The following ZNF398 variants were observed in gnomAD, a reference collection of about 807,000 sequenced individuals.
The protein encoded by ZNF398 is zinc finger DNA binding protein ZER6.
Under a neutral mutation model 41.9 loss-of-function variants are expected in ZNF398, and 18 were observed. The observed-to-expected ratio is 0.43, with a 90% confidence interval of 0.30 to 0.64. The LOEUF (loss-of-function observed/expected upper bound fraction) is 0.64, where lower values mean the gene tolerates loss of function less well. ZNF398 is among the 30% of genes least tolerant of loss of function. The pLI, the probability that ZNF398 is intolerant of heterozygous loss-of-function variation, is 0.14. For synonymous variants in ZNF398, 260 were observed against 308.8 expected (o/e 0.84, Z 1.66); for missense variants, 669 against 822.8 (o/e 0.81, Z 2.29).
chr7:149,168,564 T>TTTATTA (rs142740926), intron 4 of ZNF398, among the ~76,000 whole-genome samples: 1 of 151,344 alleles, frequency 6.6e-6, no homozygotes, highest in Non-Finnish European at 1.5e-5. Flanking sequence ...CTGCCTCACA[T>TTTATTA]TTATTATTAT....
At chr7:149,165,715 G>A (rs1051662659) in intron 2 of ZNF398, among the ~76,000 whole-genome samples, 3 of 152,128 alleles carry the variant, frequency 2.0e-5, no homozygotes, top group African/African-American at 7.2e-5. Context: ...CAGCATCAAA[G>A]GGAACTCTGT....
At chr7:149,133,670 T>TACACACAC (rs1426928527) in intron 2 of ZNF398, among the ~76,000 whole-genome samples, 1 of 50,674 alleles carries the variant, frequency 2.0e-5, no homozygotes, top group African/African-American at 7.0e-5. Context: ...TATATATATA[T>TACACACAC]ATATATATAC....
Position 149,148,863 on chromosome 7 carries a change from CTTTTTTT to C in ZNF398, c.24+1119_24+1125del, listed in dbSNP as rs59895177. ...TTTATGCACGGACCTTTTTCTTTGT[CTTTTTTT>C]TTTTTTTTTTTTTTTTTTTTTAGCT... On this transcript the variant is annotated intron_variant, in intron 1 of 5. Transcript: ENST00000475153. Among the ~76,000 whole-genome samples, 66 of 63,284 alleles carry C rather than the reference CTTTTTTT, an allele frequency of 1.0e-3. 1 individual carries two copies. Among genetic ancestry groups the C allele is most frequent in the African/African-American group, 3.2e-3 (46 of 14,464 alleles). 41.5% of individuals were successfully genotyped at this position (63,284 alleles called of 152,430 possible). A position where few individuals can be genotyped will look rare whatever the true frequency, so the allele number is the denominator to read the frequency against.
At chr7:149,134,718 T>C (rs770590629) in intron 2 of ZNF398, among the ~76,000 whole-genome samples, 1 of 152,184 alleles carries the variant, frequency 6.6e-6, no homozygotes, top group African/African-American at 2.4e-5. Flanking sequence ...AGGCTGTTTT[T>C]TTTCCTTCAG....
intron 2 of ZNF398, among the ~76,000 whole-genome samples, chr7:149,135,282 T>C (rs1585502609): frequency 6.7e-6 from 1 of 148,300 alleles, no homozygotes; most frequent in East Asian, 2.0e-4. Flanking sequence ...CCCAGCTACT[T>C]AGTAGGCTGA....
At chr7:149,134,552 A>G (rs541671233) in intron 2 of ZNF398, among the ~76,000 whole-genome samples, 2 of 152,150 alleles carry the variant, frequency 1.3e-5, no homozygotes, top group Non-Finnish European at 2.9e-5. Flanking sequence ...CATCCCATCC[A>G]TTATATTCTT....
chr7:149,140,215 ATATT>A (rs1316651790), intron 2 of ZNF398, among the ~76,000 whole-genome samples: 4 of 152,096 alleles, frequency 2.6e-5, no homozygotes, highest in Non-Finnish European at 5.9e-5. Flanking sequence ...CATTGACAGT[ATATT>A]TAGAGCGTGT....
chr7:149,134,210 AC>A (rs1826665653), intron 2 of ZNF398, among the ~76,000 whole-genome samples: 1 of 150,832 alleles, frequency 6.6e-6, no homozygotes, highest in Non-Finnish European at 1.5e-5. Context: ...GATTACAGGC[AC>A]CCGCCACCAC....
intron 4 of ZNF398, among the ~76,000 whole-genome samples, chr7:149,169,328 A>G (rs191906684): frequency 6.6e-5 from 10 of 152,152 alleles, no homozygotes; most frequent in African/African-American, 2.4e-4. Context: ...CAGGTGACCC[A>G]CCCACCTCGG....
At position 149,180,286 on chromosome 7, in the gene ZNF398, C is replaced by G. The variant is rs1175402682; in HGVS notation, c.*485C>G. 6.5e-6 allele frequency: 1 copy of G among 153,652 alleles called. No individual in the cohort carries two copies. Among genetic ancestry groups the G allele is most frequent in the Admixed American group, 6.5e-5 (1 of 15,494 alleles). 9.5% of individuals were successfully genotyped at this position (153,652 alleles called of 1,614,324 possible). A position where few individuals can be genotyped will look rare whatever the true frequency, so the allele number is the denominator to read the frequency against. ...ATGGTTGTTGGAGAAAGTGCTTAAG[C>G]CACTGTTTATGTTGCTGCCTCCTCT... On this transcript the variant is annotated 3_prime_UTR_variant, in exon 6 of 6. Transcript: ENST00000475153.
upstream of ZNF398, among the ~76,000 whole-genome samples, chr7:149,145,085 C>T (rs959856802): frequency 6.6e-6 from 1 of 152,068 alleles, no homozygotes; most frequent in African/African-American, 2.4e-5. Flanking sequence ...TAGCCACAGG[C>T]GAAAAGTAAC....
At chr7:149,163,709 G>T (rs1206207774) in intron 2 of ZNF398, among the ~76,000 whole-genome samples, 2 of 152,158 alleles carry the variant, frequency 1.3e-5, no homozygotes, top group African/African-American at 4.8e-5. Context: ...TGCTGACCTT[G>T]GGTGATCCAC....
intron 4 of ZNF398, among the ~76,000 whole-genome samples, chr7:149,175,555 T>C (rs994242623): frequency 6.6e-6 from 1 of 152,212 alleles, no homozygotes; most frequent in African/African-American, 2.4e-5. Flanking sequence ...TATCATTTAA[T>C]AGACAAAGAT....
chr7:149,171,205 C>T (rs113124624), intron 4 of ZNF398, among the ~76,000 whole-genome samples: 6,748 of 151,118 alleles, frequency 0.045, 415 homozygotes, highest in African/African-American at 0.14. Context: ...CTTTATAATA[C>T]AGTAATATAC....
Position 149,147,817 on chromosome 7 carries a change from AG to A in ZNF398, c.24+54del. ...GTGAGCCCCCGAGACCCAGACCCCGAGGGAGGAAGGCGGGCGGGCAGGGAGC... is the reference window on the plus strand; with the variant it reads ...GTGAGCCCCCGAGACCCAGACCCCGAGGAGGAAGGCGGGCGGGCAGGGAGC... On this transcript the variant is annotated intron_variant, in intron 1 of 5. Transcript: ENST00000475153. This position sits in a 1 kb window ranked among gnomAD's most constrained non-coding sequence, Gnocchi z 5.6. The A allele has an allele frequency of 7.5e-7, 1 of 1,335,948 alleles. No individual in the cohort carries two copies. The allele number at this position is 1,335,948 out of a possible 1,614,324, so 82.8% of individuals were successfully genotyped here.
In ZNF398 at chr7:149,137,203, C is replaced by T. The variant is rs74911574; in HGVS notation, c.-490+8259C>T. ...TCTTACACCTCTGTAAAAAGTCAGT[C>T]GTCCAAATTTGTGTGGGTTTATTTT... is the stretch of plus-strand genomic sequence containing the variant. On this transcript the variant is annotated intron_variant, in intron 2 of 6. Transcript: ENST00000426851. Among the ~76,000 whole-genome samples, 554 of 152,078 alleles carry T rather than the reference C, an allele frequency of 3.6e-3. 3 individuals carry two copies. Among genetic ancestry groups the T allele is most frequent in the Middle Eastern group, 0.014 (4 of 292 alleles).
At chr7:149,155,740 T>C (rs1794962505) in intron 2 of ZNF398, among the ~76,000 whole-genome samples, 2 of 133,656 alleles carry the variant, frequency 1.5e-5, no homozygotes, top group East Asian at 2.3e-4. Flanking sequence ...AATTTTTTTT[T>C]TTTTGAGATG....
At position 149,181,107 on chromosome 7, in the gene ZNF398, C is replaced by G. The variant is rs1399090200; in HGVS notation, c.*1306C>G. 4 of 152,560 alleles carry G rather than the reference C, an allele frequency of 2.6e-5. No homozygotes were observed. The East Asian group carries it at 7.7e-4, about 29-fold the overall frequency. The allele number at this position is 152,560 out of a possible 1,614,324, so 9.5% of individuals were successfully genotyped here. On this transcript the variant is annotated 3_prime_UTR_variant, in exon 6 of 6. Transcript: ENST00000475153. ...TTGCAACTGGGCCTAAGTTCTGTTT[C>G]CTTTATGGATCTCAAATTTTCATCT...
intron 1 of ZNF398, among the ~76,000 whole-genome samples, chr7:149,149,849 C>T (rs1040321308): frequency 6.6e-6 from 1 of 152,080 alleles, no homozygotes; most frequent in Non-Finnish European, 1.5e-5. Flanking sequence ...AGCAAACAAA[C>T]AAATATTTTT....
Sources: allele counts gnomAD v4.1 joint callset (sites outside exome capture counted in the v4.1 genomes callset), GRCh38; gene constraint gnomAD v4.1.1; non-coding constraint Gnocchi (gnomAD v3.1); transcripts MANE v1.5; gene names NCBI Gene and HGNC (gene_info 2026-07-23, HGNC 2026-07-21).